WWP2: variants seen among roughly 807,000 people sequenced by gnomAD.
The protein encoded by WWP2 is WW domain containing E3 ubiquitin protein ligase 2, also known as NEDD4-like E3 ubiquitin-protein ligase WWP2.
WWP2 carries 57 observed loss-of-function variants against 121.0 expected under a neutral mutation model. The ratio of observed to expected loss-of-function variants is 0.47; its 90% CI spans 0.38 to 0.59. The LOEUF is 0.59. Among genes scored for constraint, WWP2 ranks in the 20% least tolerant of loss-of-function variants. The pLI is 0.00. For missense variants in WWP2, 962 were observed against 1,158.9 expected (o/e 0.83, Z 2.47); for synonymous variants, 449 against 441.3 (o/e 1.02, Z -0.22).
chr16:69,859,636 C>T (rs937041568), intron 6 of WWP2, among the ~76,000 whole-genome samples: 31 of 152,212 alleles, frequency 2.0e-4, no homozygotes, highest in African/African-American at 7.0e-4. Context: ...CTGAGGTGCC[C>T]ATTCCTTGCT....
chr16:69,841,575 A>G (rs2056978438), intron 5 of WWP2, among the ~76,000 whole-genome samples: 1 of 152,148 alleles, frequency 6.6e-6, no homozygotes, highest in Non-Finnish European at 1.5e-5. Context: ...CATCTTGAGA[A>G]ACAGCTATTG....
intron 4 of WWP2, among the ~76,000 whole-genome samples, chr16:69,822,080 T>C (rs746191287): frequency 1.3e-5 from 2 of 152,156 alleles, no homozygotes; most frequent in African/African-American, 2.4e-5. Context: ...TTGCCTGAGC[T>C]GGTCTCAAAC....
chr16:69,925,554 G>C lies in WWP2; in HGVS notation c.1234+70G>C. On this transcript the variant is annotated intron_variant, in intron 11 of 23. Transcript: ENST00000359154. The surrounding 1 kb of genome is among the most constrained non-coding windows in gnomAD (Gnocchi z 4.0). ...ACGGTGCTCTGTCCTCTCCTCCCGC[G>C]TGTCTTCCTTCCCTGTTCCTGTCCC... 6.4e-7 allele frequency: 1 copy of C among 1,568,102 alleles called. No homozygotes were observed. Among genetic ancestry groups the C allele is most frequent in the South Asian group, 1.1e-5 (1 of 87,018 alleles).
At chr16:69,887,580 A>G (rs2057947621) in intron 7 of WWP2, among the ~76,000 whole-genome samples, 1 of 151,950 alleles carries the variant, frequency 6.6e-6, no homozygotes, top group Non-Finnish European at 1.5e-5. Flanking sequence ...TAAATTTTGT[A>G]TTTTTAGCAG....
intron 7 of WWP2, among the ~76,000 whole-genome samples, chr16:69,881,684 T>G (rs1411638773): frequency 6.6e-6 from 1 of 152,194 alleles, no homozygotes; most frequent in African/African-American, 2.4e-5. Flanking sequence ...ACCTGTGGTT[T>G]TAAATTTTTT....
In WWP2 at chr16:69,893,185, C is replaced by T. The variant is rs540254021; in HGVS notation, c.914+4936C>T. Among the ~76,000 whole-genome samples the T allele has an allele frequency of 1.7e-4, 26 of 152,312 alleles. 2 individuals are homozygous for T. In the South Asian group the frequency reaches 2.1e-3, roughly 12 times the overall value. ...TCAGTAAATCCTCTGGGACTCCCTC[C>T]CGGATCCCTGGTGGACAAGAAGAAG... is the stretch of plus-strand genomic sequence containing the variant. On this transcript the variant is annotated intron_variant, in intron 8 of 23. Coordinates refer to ENST00000359154, the MANE Select transcript of WWP2 (RefSeq NM_001270454.2).
intron 1 of WWP2, among the ~76,000 whole-genome samples, chr16:69,768,390 C>T (rs997615722): frequency 2.0e-5 from 3 of 152,094 alleles, no homozygotes; most frequent in Non-Finnish European, 2.9e-5. Flanking sequence ...GGGTAGATCA[C>T]CTGAAGTCAG....
chr16:69,846,070 A>AAAAAAAAAAG (rs58504050), intron 6 of WWP2, among the ~76,000 whole-genome samples: 3 of 149,652 alleles, frequency 2.0e-5, no homozygotes, highest in African/African-American at 7.4e-5. Flanking sequence ...AAAAAAAAAA[A>AAAAAAAAAAG]GAATACTTAT....
chr16:69,846,546 CT>C (rs2057082879), intron 6 of WWP2, among the ~76,000 whole-genome samples: 1 of 152,042 alleles, frequency 6.6e-6, no homozygotes, highest in African/African-American at 2.4e-5. Flanking sequence ...CATGGCGAAA[CT>C]TCTTCTCTAC....
At chr16:69,923,151 A>G (rs541132542) in intron 10 of WWP2, among the ~76,000 whole-genome samples, 4 of 152,108 alleles carry the variant, frequency 2.6e-5, no homozygotes, top group South Asian at 4.2e-4. Flanking sequence ...CAGACTCCCA[A>G]AGTGCTGGGA....
At chr16:69,840,291 G>A (rs1308895071) in intron 5 of WWP2, 28 bp downstream of exon 5, 1 of 1,612,686 alleles carries the variant, frequency 6.2e-7, no homozygotes, top group East Asian at 2.2e-5. Context: ...CCTCAGGACT[G>A]TGCCGGGACA....
chr16:69,871,734 T>A, intron 6 of WWP2, 70 bp from the exon 7 acceptor site: 1 of 1,587,726 alleles, frequency 6.3e-7, no homozygotes, highest in Non-Finnish European at 8.6e-7. Context: ...ATATGATGAC[T>A]TAGGTAGGAA....
intron 8 of WWP2, among the ~76,000 whole-genome samples, chr16:69,894,697 TG>T (rs1367096116): frequency 6.6e-6 from 1 of 152,234 alleles, no homozygotes; most frequent in Non-Finnish European, 1.5e-5. Flanking sequence ...GAAGCGAGGC[TG>T]CTTTGGTCTG....
At chr16:69,933,125 GT>G (rs1567443049) in intron 16 of WWP2, 1 of 509,950 alleles carries the variant, frequency 2.0e-6, no homozygotes, top group Admixed American at 2.1e-5. Flanking sequence ...CCTATGGTAG[GT>G]TACGTCATGC....
intron 2 of WWP2, among the ~76,000 whole-genome samples, chr16:69,796,838 T>C (rs985125046): frequency 4.6e-5 from 7 of 152,234 alleles, no homozygotes; most frequent in African/African-American, 1.4e-4. Flanking sequence ...TTATCTGTTG[T>C]CTTCCTCCCT....
chr16:69,840,401 CTCT>C, intron 5 of WWP2, 138 bp downstream of exon 5: 1 of 1,064,950 alleles, frequency 9.4e-7, no homozygotes, highest in South Asian at 1.6e-5. Context: ...CTAGCCCGGA[CTCT>C]TCTTAGCTCC....
At chr16:69,918,147 T>C (rs1778767112) in intron 10 of WWP2, among the ~76,000 whole-genome samples, 1 of 152,178 alleles carries the variant, frequency 6.6e-6, no homozygotes, top group South Asian at 2.1e-4. Flanking sequence ...CGAGATCGGC[T>C]TTCATTTCTG....
intron 8 of WWP2, among the ~76,000 whole-genome samples, chr16:69,891,377 G>A (rs149191771): frequency 1.1e-3 from 160 of 152,310 alleles, no homozygotes; most frequent in South Asian, 3.1e-3. Context: ...AAAGGGATTG[G>A]AGTGCTATCT....
chr16:69,912,994 ATTTTTTTTTTTTTTTTTTTTTTTTTTTTT>A (rs1198509809), intron 9 of WWP2, among the ~76,000 whole-genome samples: 1 of 3,942 alleles, frequency 2.5e-4, no homozygotes, highest in African/African-American at 1.2e-3. Context: ...ATATATATAT[ATTTTTTTTTTTTTTTTTTTTTTTTTTTTT>A]TTTTTTTTTT....
Sources: allele counts gnomAD v4.1 joint callset (sites outside exome capture counted in the v4.1 genomes callset), GRCh38; gene constraint gnomAD v4.1.1; non-coding constraint Gnocchi (gnomAD v3.1); transcripts MANE v1.5; gene names NCBI Gene and HGNC (gene_info 2026-07-23, HGNC 2026-07-21).